Variants in DNER observed in about 807,000 individuals in gnomAD.
DNER encodes the protein delta and Notch-like epidermal growth factor-related receptor.
DNER carries 33 observed loss-of-function variants against 78.2 expected under a neutral mutation model. The observed-to-expected ratio is 0.42, with a 90% CI of 0.32 to 0.56. DNER has a LOEUF of 0.56. DNER is among the 20% of genes least tolerant of loss of function. The pLI, the probability that DNER is intolerant of heterozygous loss-of-function variation, is 0.11. For synonymous variants in DNER, 417 were observed against 384.8 expected, an observed-to-expected ratio of 1.08 and a Z score of -0.98; for missense variants, 918 against 975.3, an observed-to-expected ratio of 0.94 and a Z score of 0.78.
intron 1 of DNER, among the ~76,000 whole-genome samples, chr2:229,696,702 G>A (rs1248869129): frequency 6.6e-6 from 1 of 152,210 alleles, no homozygotes; most frequent in Admixed American, 6.5e-5. Flanking sequence ...TGGGAGGGAG[G>A]TACAGGAGGC....
intron 1 of DNER, among the ~76,000 whole-genome samples, chr2:229,620,928 G>A (rs555159119): frequency 6.6e-6 from 1 of 152,304 alleles, no homozygotes; most frequent in South Asian, 2.1e-4. Flanking sequence ...GCAAGCCAAG[G>A]AGAAAGGCCT....
intron 1 of DNER, among the ~76,000 whole-genome samples, chr2:229,687,164 A>G (rs1485236479): frequency 6.6e-6 from 1 of 152,078 alleles, no homozygotes; most frequent in Non-Finnish European, 1.5e-5. Context: ...TTATTTAAAC[A>G]TTCTCCTATT....
chr2:229,500,186 G>A (rs1245014360), intron 6 of DNER, among the ~76,000 whole-genome samples: 2 of 152,136 alleles, frequency 1.3e-5, no homozygotes, highest in Non-Finnish European at 2.9e-5. Context: ...GCCCTCCTCG[G>A]CCTCTCACAG....
intron 1 of DNER, among the ~76,000 whole-genome samples, chr2:229,674,223 A>G (rs1699262326): frequency 6.6e-6 from 1 of 152,192 alleles, no homozygotes; most frequent in Admixed American, 6.6e-5. Flanking sequence ...TTCTCGAATT[A>G]TGCTAATTTG....
chr2:229,615,133 C>T (rs1450969729), intron 1 of DNER, among the ~76,000 whole-genome samples: 4 of 152,120 alleles, frequency 2.6e-5, no homozygotes, highest in South Asian at 2.1e-4. Flanking sequence ...CTGTAGAGGC[C>T]GGGCGTGGTG....
intron 5 of DNER, among the ~76,000 whole-genome samples, chr2:229,522,452 A>G (rs780060680): frequency 6.6e-6 from 1 of 152,240 alleles, no homozygotes; most frequent in Non-Finnish European, 1.5e-5. Flanking sequence ...TAACAAAAGT[A>G]AAGTTTGACT....
intron 6 of DNER, among the ~76,000 whole-genome samples, chr2:229,482,251 C>T (rs2193901): frequency 0.12 from 18,997 of 152,232 alleles, 1,325 homozygotes; most frequent in South Asian, 0.2. Context: ...CCAAACCTCA[C>T]TGCCTCTCAC....
chr2:229,546,369 A>G (rs1696626250), intron 5 of DNER, among the ~76,000 whole-genome samples: 1 of 152,238 alleles, frequency 6.6e-6, no homozygotes, highest in African/African-American at 2.4e-5. Context: ...TAAGTTTATG[A>G]GCAAGGAATT....
intron 9 of DNER, among the ~76,000 whole-genome samples, chr2:229,410,718 TA>T (rs1340844543): frequency 1.9e-4 from 29 of 152,344 alleles, no homozygotes; most frequent in African/African-American, 5.5e-4. Flanking sequence ...CAGCATTCTT[TA>T]CAGAAGTTAA....
intron 9 of DNER, among the ~76,000 whole-genome samples, chr2:229,408,513 C>A (rs182897659): frequency 2.6e-5 from 4 of 152,058 alleles, no homozygotes; most frequent in African/African-American, 9.7e-5. Flanking sequence ...ATGATATGCC[C>A]ACACTTCCCA....
chr2:229,391,141 C>A (rs191656058), intron 10 of DNER, among the ~76,000 whole-genome samples: 1 of 152,152 alleles, frequency 6.6e-6, no homozygotes, highest in Non-Finnish European at 1.5e-5. Context: ...ATCAGTCTTA[C>A]GCAAAGTGTT....
At chr2:229,625,748 AC>A (rs1698327789) in intron 1 of DNER, among the ~76,000 whole-genome samples, 1 of 152,196 alleles carries the variant, frequency 6.6e-6, no homozygotes, top group Admixed American at 6.5e-5. Context: ...GAAACCACTT[AC>A]CGTGAGCCTT....
At chr2:229,697,988 A>G (rs920167354) in intron 1 of DNER, among the ~76,000 whole-genome samples, 1 of 152,158 alleles carries the variant, frequency 6.6e-6, no homozygotes, top group Non-Finnish European at 1.5e-5. Flanking sequence ...CCAGGAGTTC[A>G]AGACCAGCAA....
At chr2:229,480,279 T>C (rs1194792607) in intron 6 of DNER, among the ~76,000 whole-genome samples, 1 of 152,192 alleles carries the variant, frequency 6.6e-6, no homozygotes, top group African/African-American at 2.4e-5. Flanking sequence ...TTTTCCTAGG[T>C]TCCCCATGAG....
intron 11 of DNER, among the ~76,000 whole-genome samples, chr2:229,387,891 G>GTT (rs869118536): frequency 8.8e-5 from 5 of 57,050 alleles, no homozygotes; most frequent in African/African-American, 1.3e-4. Context: ...GTGTGTGTGT[G>GTT]TTTTTTAATT....
At chr2:229,383,019 C>A (rs559013363) in intron 11 of DNER, among the ~76,000 whole-genome samples, 1 of 152,150 alleles carries the variant, frequency 6.6e-6, no homozygotes, top group East Asian at 1.9e-4. Flanking sequence ...AGAGAAAGGT[C>A]GGGTTACCCA....
Position 229,591,441 on chromosome 2 carries a change from G to C in DNER, c.585+139C>G. ...CCATCGTACACACAAATGCAGACAG[G>C]AATAAGTTTAGGGAGATATTTTGCT... is the stretch of plus-strand genomic sequence containing the variant. On this transcript the variant is annotated intron_variant, in intron 2 of 12. Transcript: ENST00000341772. This position sits in a 1 kb window ranked among gnomAD's most constrained non-coding sequence, Gnocchi z 4.6. 1 of 1,027,782 alleles carries C rather than the reference G, an allele frequency of 9.7e-7. No homozygotes were observed. The highest frequency in any genetic ancestry group is 1.4e-6 in the Non-Finnish European group (1 of 725,280). The allele number at this position is 1,027,782 out of a possible 1,614,324, so 63.7% of individuals were successfully genotyped here.
intron 1 of DNER, among the ~76,000 whole-genome samples, chr2:229,596,463 T>C (rs1697716689): frequency 6.6e-6 from 1 of 151,974 alleles, no homozygotes; most frequent in Non-Finnish European, 1.5e-5. Flanking sequence ...GCAGGAAGAG[T>C]ACAGACCCAC....
Position 229,608,253 on chromosome 2 carries a change from C to T in DNER, c.277-16365G>A, listed in dbSNP as rs77089316. On this transcript the variant is annotated intron_variant, in intron 1 of 12. Transcript: ENST00000341772. ...TACAGCTCACAGACCAAATGTGGCC[C>T]ATCACCCAATTTTAATAAATCAAGT... 3.4e-3 allele frequency among the ~76,000 whole-genome samples: 514 copies of T among 152,254 alleles called. 31 individuals carry two copies. The East Asian group carries it at 0.08, about 24-fold the overall frequency.
Sources: gnomAD v4.1 joint callset for allele counts (sites outside exome capture counted in the v4.1 genomes callset) on GRCh38, gnomAD v4.1.1 for gene constraint, Gnocchi (gnomAD v3.1) non-coding constraint, MANE v1.5 for transcripts, NCBI Gene and HGNC (gene_info 2026-07-23, HGNC 2026-07-21) for gene names.